Variants in MYH11 observed in about 807,000 individuals in gnomAD.
The protein encoded by MYH11 is myosin heavy chain 11.
A neutral mutation model predicts 246.6 loss-of-function variants in MYH11; 80 were observed. The ratio of observed to expected loss-of-function variants is 0.32; its 90% CI spans 0.27 to 0.39. The LOEUF is 0.39. MYH11 is among the 10% of genes least tolerant of loss of function. The probability of loss-of-function intolerance (pLI) is 1.00; values close to 1 mark genes in which losing one functional copy is unlikely to be tolerated. For missense variants in MYH11, 2,158 were observed against 2,546.8 expected (o/e 0.85, Z 3.29); for synonymous variants, 1,071 against 1,015.5 (o/e 1.05, Z -1.04).
intron 3 of MYH11, among the ~76,000 whole-genome samples, chr16:15,810,069 T>G (rs2043103758): frequency 6.6e-6 from 1 of 151,952 alleles, no homozygotes; most frequent in Non-Finnish European, 1.5e-5. Context: ...GTTTTGCTCT[T>G]GTTGCCCAGG....
At chr16:15,808,725 A>G (rs1436609397) in intron 3 of MYH11, among the ~76,000 whole-genome samples, 5 of 151,554 alleles carry the variant, frequency 3.3e-5, no homozygotes, top group Non-Finnish European at 7.4e-5. Flanking sequence ...TATCTCTATG[A>G]AAAAAAAATT....
chr16:15,775,894 A>C (rs1036984199), intron 8 of MYH11, 184 bp downstream of exon 8: 71 of 653,002 alleles, frequency 1.1e-4, no homozygotes, highest in Non-Finnish European at 1.2e-4. Context: ...AGTAAATGAG[A>C]ATGACTGAAC....
At chr16:15,720,802 C>T in intron 33 of MYH11, 37 bp downstream of exon 33, 1 of 1,607,168 alleles carries the variant, frequency 6.2e-7, no homozygotes, top group Non-Finnish European at 8.5e-7. Context: ...AAAAGGCCAC[C>T]CGACCTCCCT....
chr16:15,856,457 T>G (rs72773927), intron 1 of MYH11, among the ~76,000 whole-genome samples: 39,090 of 151,882 alleles, frequency 0.26, 5,709 homozygotes, highest in East Asian at 0.6. Context: ...CACTTTGCCC[T>G]TCTGTGTGAT....
chr16:15,798,287 A>T (rs1386515411), intron 4 of MYH11, among the ~76,000 whole-genome samples: 1 of 152,230 alleles, frequency 6.6e-6, no homozygotes, highest in Non-Finnish European at 1.5e-5. Flanking sequence ...TGACAGTTTA[A>T]CATCTTCCCT....
At chr16:15,725,095 C>A in intron 28 of MYH11, 103 bp from the exon 29 acceptor site, 2 of 870,544 alleles carry the variant, frequency 2.3e-6, no homozygotes, top group South Asian at 1.4e-5. Flanking sequence ...TTGAGGTGTT[C>A]ACTGATTGAG....
At chr16:15,743,064 A>G (rs1297824721) in intron 20 of MYH11, among the ~76,000 whole-genome samples, 1 of 150,748 alleles carries the variant, frequency 6.6e-6, no homozygotes, top group Non-Finnish European at 1.5e-5. Context: ...AGCTGAAAAC[A>G]TTCCATTGAT....
At chr16:15,763,738 A>ACCCCCCCC in intron 10 of MYH11, 58 bp downstream of exon 10, 3 of 717,694 alleles carry the variant, frequency 4.2e-6, no homozygotes, top group South Asian at 1.4e-5. Flanking sequence ...GTTAAATGTC[A>ACCCCCCCC]CCTCCCCCAC....
At chr16:15,810,441 T>C (rs1043214441) in intron 3 of MYH11, among the ~76,000 whole-genome samples, 1 of 152,124 alleles carries the variant, frequency 6.6e-6, no homozygotes, top group African/African-American at 2.4e-5. Flanking sequence ...AACGTGAACT[T>C]TTCATGATTA....
chr16:15,741,508 G>A lies in MYH11; in HGVS notation c.2814C>T (p.Gly938=), dbSNP rs1325652306. 2 of 1,609,294 alleles carry A rather than the reference G, an allele frequency of 1.2e-6. 1 individual carries two copies. Among genetic ancestry groups the A allele is most frequent in the South Asian group, 2.2e-5 (2 of 91,082 alleles). The part of the protein sequence containing the change: ...EARLEEEEDR[G]QQLQAERKKM... ...TCTTCCTTTCAGCCTGTAGCTGCTG[G>A]CCCCTGTCTTCCTCCTCCTCCAGGC... The change falls in exon 22 of 41, where the codon GGC becomes GGT. Residue 938 remains glycine (G), a synonymous_variant. Transcript: ENST00000300036.
chr16:15,843,187 T>C (rs1243259633), intron 1 of MYH11, among the ~76,000 whole-genome samples: 3 of 151,350 alleles, frequency 2.0e-5, no homozygotes, highest in Non-Finnish European at 4.4e-5. Flanking sequence ...CTGGTCAACA[T>C]GGGAAAACCC....
intron 4 of MYH11, among the ~76,000 whole-genome samples, chr16:15,796,244 A>T (rs1404714396): frequency 6.6e-6 from 1 of 152,200 alleles, no homozygotes; most frequent in African/African-American, 2.4e-5. Context: ...TTAAGAGCTC[A>T]ATTAAGTGAA....
intron 8 of MYH11, among the ~76,000 whole-genome samples, chr16:15,772,591 T>C (rs901517886): frequency 3.3e-5 from 5 of 152,158 alleles, no homozygotes; most frequent in African/African-American, 1.2e-4. Context: ...CTCTGTACAA[T>C]AGGCTTGCTA....
chr16:15,724,704 G>A lies in MYH11; in HGVS notation c.4059C>T (p.Asp1353=), dbSNP rs753575083. The change falls in exon 30 of 41, where the codon GAC becomes GAT. Residue 1353 remains aspartate, a synonymous_variant. Transcript: ENST00000300036. The stretch of plus-strand genomic sequence containing the variant: ...GGTTCTGCTTGGCCTCCATCTCCTC[G>A]TCCAGCTGGTCTTGCAGGCTGTTCC... ...EERNSLQDQL[D]EEMEAKQNLE... The A allele has an allele frequency of 1.9e-5, 30 of 1,614,192 alleles. No homozygotes were observed. Among genetic ancestry groups the A allele is most frequent in the Middle Eastern group, 1.7e-4 (1 of 6,060 alleles).
chr16:15,794,610 G>A (rs549483650), intron 4 of MYH11, among the ~76,000 whole-genome samples: 2 of 152,322 alleles, frequency 1.3e-5, no homozygotes, highest in East Asian at 1.9e-4. Flanking sequence ...AAGATAGTTC[G>A]TGGTGGAGAT....
At chr16:15,777,116 C>T (rs2042240541) in intron 7 of MYH11, among the ~76,000 whole-genome samples, 1 of 151,934 alleles carries the variant, frequency 6.6e-6, no homozygotes, top group African/African-American at 2.4e-5. Flanking sequence ...CACACACACA[C>T]ACACACACAC....
At chr16:15,824,716 G>A (rs1250356328) in intron 2 of MYH11, among the ~76,000 whole-genome samples, 1 of 152,186 alleles carries the variant, frequency 6.6e-6, no homozygotes, top group Admixed American at 6.5e-5. Context: ...GGGAGGAAAA[G>A]GTAATAATCC....
At chr16:15,727,511 A>G (rs1261388796) in intron 27 of MYH11, among the ~76,000 whole-genome samples, 3 of 152,014 alleles carry the variant, frequency 2.0e-5, no homozygotes, top group African/African-American at 7.2e-5. Context: ...GATATTTTGG[A>G]TTCTATTTTC....
At chr16:15,723,374 T>C (rs1259734330) in intron 31 of MYH11, among the ~76,000 whole-genome samples, 12 of 152,138 alleles carry the variant, frequency 7.9e-5, no homozygotes, top group Admixed American at 7.9e-4. Flanking sequence ...GGGCCGGGCA[T>C]AGTGGCTCAT....
Sources: allele counts gnomAD v4.1 joint callset (sites outside exome capture counted in the v4.1 genomes callset), GRCh38; gene constraint gnomAD v4.1.1; transcripts MANE v1.5; gene names NCBI Gene and HGNC (gene_info 2026-07-23, HGNC 2026-07-21).